KDM5C: variants seen among roughly 807,000 people sequenced by gnomAD.
KDM5C encodes lysine-specific demethylase 5C.
KDM5C carries 16 observed loss-of-function variants against 110.6 expected under a neutral mutation model. That is an observed-to-expected ratio of 0.14 (90% CI 0.10 to 0.22). The LOEUF is 0.22. Ranked by LOEUF, KDM5C falls within the 10% of genes least tolerant of loss-of-function variation. KDM5C has a pLI of 1.00. For missense variants in KDM5C, 681 were observed against 1,300.9 expected (o/e 0.52, Z 7.33); for synonymous variants, 511 against 520.4 (o/e 0.98, Z 0.24).
chrX:53,217,923 C>T lies in KDM5C; in HGVS notation c.395G>A (p.Arg132His), dbSNP rs2146950922. ...EGGYEAICKD[R>H]RWARVAQRLN... ...GCGCTGGGCTACCCGAGCCCACCGA[C>T]GGTCCTTGCAGATAGCTTCATAACC... is the stretch of plus-strand genomic sequence containing the variant. Residue 132 changes from arginine to histidine, a missense_variant, in exon 4 of 26, where the codon CGT becomes CAT. Coordinates refer to ENST00000375401, the MANE Select transcript of KDM5C (RefSeq NM_004187.5). 8.3e-7 allele frequency: 1 copy of T among 1,210,376 alleles called. No homozygotes were observed. The highest frequency in any genetic ancestry group is 1.1e-6 in the Non-Finnish European group (1 of 894,697).
At chrX:53,213,377 G>A (rs782310255) in intron 8 of KDM5C, among the ~76,000 whole-genome samples, 103 of 112,125 alleles carry the variant, frequency 9.2e-4, no homozygotes, top group African/African-American at 2.9e-3. Context: ...CTGTGTGTAT[G>A]TATGCATGTG....
At chrX:53,213,959 CTT>C (rs1348487424) in intron 8 of KDM5C, among the ~76,000 whole-genome samples, 7 of 104,600 alleles carry the variant, frequency 6.7e-5, no homozygotes, top group African/African-American at 3.5e-5. Context: ...TCCAAAATGT[CTT>C]TTTTTTTTTT....
chrX:53,180,631 C>T (rs1433302522), intron 25 of KDM5C, among the ~76,000 whole-genome samples: 1 of 106,819 alleles, frequency 9.4e-6, no homozygotes, highest in Non-Finnish European at 1.9e-5. Flanking sequence ...GGTGTGATTT[C>T]GGCTCACTGC....
chrX:53,193,994 G>C, intron 23 of KDM5C, 143 bp from the exon 24 acceptor site: 1 of 965,810 alleles, frequency 1.0e-6, no homozygotes, highest in Non-Finnish European at 1.5e-6. Context: ...GCAGAGTCTA[G>C]GAATCTGGAC....
intron 14 of KDM5C, 143 bp from the exon 15 acceptor site, chrX:53,199,301 C>T (rs1556840376): frequency 3.5e-6 from 2 of 576,740 alleles, no homozygotes; most frequent in African/African-American, 4.5e-5. Context: ...AGGGAGCATA[C>T]CTGCCCTTTG....
rs2146809263 is a variant in KDM5C, at chrX:53,192,846, GTA to G, written c.*119_*120del. 1.1e-6 allele frequency: 1 copy of G among 921,022 alleles called. No individual in the cohort carries two copies. The highest frequency in any genetic ancestry group is 1.5e-6 in the Non-Finnish European group (1 of 680,007). The allele number at this position is 921,022 out of a possible 1,213,427, so 75.9% of individuals were successfully genotyped here. On this transcript the variant is annotated 3_prime_UTR_variant, in exon 26 of 26. Coordinates refer to ENST00000375401, the MANE Select transcript of KDM5C (RefSeq NM_004187.5). ...AGTCAAGGGACTCAGGGGTGGGCGGGTAGCAGGGATGGCCACCCCCCTACCCG... is the reference window on the plus strand; with the variant it reads ...AGTCAAGGGACTCAGGGGTGGGCGGGGCAGGGATGGCCACCCCCCTACCCG...
At chrX:53,183,128 A>G (rs1471872934) in intron 25 of KDM5C, among the ~76,000 whole-genome samples, 1 of 109,905 alleles carries the variant, frequency 9.1e-6, no homozygotes, top group Admixed American at 9.8e-5. Context: ...GCACTCTTGT[A>G]AAACATCAAT....
chrX:53,211,757 CCAACA>C lies in KDM5C; in HGVS notation c.1242+25_1242+29del, dbSNP rs782766325. 5.8e-6 allele frequency: 7 copies of C among 1,209,437 alleles called. No homozygotes were observed. The African/African-American group carries it at 1.2e-4, about 21-fold the overall frequency. ...TGGCATCAATACCTATGATCCTAGC[CCAACA>C]CTACCTCAGCCCTCCATCACCTACA... is the stretch of plus-strand genomic sequence containing the variant. On this transcript the variant is annotated intron_variant, in intron 9 of 25. Coordinates refer to ENST00000375401, the MANE Select transcript of KDM5C (RefSeq NM_004187.5).
chrX:53,204,210 A>G (rs918945962), intron 12 of KDM5C, among the ~76,000 whole-genome samples: 1 of 103,168 alleles, frequency 9.7e-6, no homozygotes, highest in Non-Finnish European at 2.0e-5. Context: ...CTTTCCTTGC[A>G]GGCCAGTCAG....
chrX:53,193,244 C>A lies in KDM5C; in HGVS notation c.4406G>T (p.Gly1469Val), dbSNP rs1428371887. The change falls in exon 26 of 26, where the codon GGC becomes GTC. Residue 1469 changes from glycine to valine, a missense_variant. By Grantham distance (109) the Gly-to-Val change is moderately radical (BLOSUM62 -3). This residue lies in a region of KDM5C where 115 missense variants were observed against 120.9 expected (regional missense o/e 0.95). Coordinates refer to ENST00000375401, the MANE Select transcript of KDM5C (RefSeq NM_004187.5). Reference sequence around the variant, plus strand: ...TAGCTCCTCTCGGGCTGGGTCATCGCCCTCCCCACCCCGATCCACCTTCCG... The same window carrying A: ...TAGCTCCTCTCGGGCTGGGTCATCGACCTCCCCACCCCGATCCACCTTCCG... ...RRRKVDRGGE[G>V]DDPAREELEP... is the part of the protein sequence containing the mutation. The A allele has an allele frequency of 9.9e-6, 12 of 1,206,983 alleles. No homozygotes were observed. The highest frequency in any genetic ancestry group is 1.3e-5 in the Non-Finnish European group (12 of 894,829).
chrX:53,212,277 C>A (rs1167911155), intron 8 of KDM5C: 6 of 181,200 alleles, frequency 3.3e-5, no homozygotes, highest in Non-Finnish European at 5.1e-5. Flanking sequence ...CTTCTGCCAC[C>A]ATTTTTCCTC....
downstream of KDM5C, among the ~76,000 whole-genome samples, chrX:53,189,805 C>G (rs1934345696): frequency 2.7e-5 from 3 of 112,782 alleles, no homozygotes; most frequent in African/African-American, 9.7e-5. Context: ...CCTCCAGAAG[C>G]TCCAGAGCTT....
rs1556856202 is a variant in KDM5C, at chrX:53,224,878, C to T, written c.12G>A (p.Gly4=). 4 of 1,205,673 alleles carry T rather than the reference C, an allele frequency of 3.3e-6. No homozygotes were observed. In the East Asian group the frequency reaches 8.9e-5, roughly 27 times the overall value. Residue 4 remains glycine, a synonymous_variant, in exon 1 of 26, where the codon GGG becomes GGA. Coordinates refer to ENST00000375401, the MANE Select transcript of KDM5C (RefSeq NM_004187.5). MEP[G]SDDFLPPPEC... ...CCGGTGGCGGTAGGAAATCGTCGGA[C>T]CCCGGCTCCATGGTGGGCCCGAGGT...
At chrX:53,191,941 C>A, downstream of KDM5C, 1 of 175,845 alleles carries the variant, frequency 5.7e-6, no homozygotes. Flanking sequence ...GGGGCCCGAG[C>A]CCATCTGTTT....
At chrX:53,210,287 C>A in intron 12 of KDM5C, 127 bp downstream of exon 12, 1 of 876,403 alleles carries the variant, frequency 1.1e-6, no homozygotes, top group African/African-American at 2.0e-5. Context: ...AACCCGTAGC[C>A]CAATTAAGAA....
chrX:53,211,748 G>C, intron 9 of KDM5C, 39 bp downstream of exon 9: 1 of 1,210,561 alleles, frequency 8.3e-7, no homozygotes, highest in South Asian at 1.8e-5. Flanking sequence ...CAATACCTAT[G>C]ATCCTAGCCC....
intron 14 of KDM5C, among the ~76,000 whole-genome samples, chrX:53,200,649 G>T (rs1209007317): frequency 8.9e-6 from 1 of 111,862 alleles, no homozygotes; most frequent in East Asian, 2.8e-4. Flanking sequence ...CACACTCACA[G>T]GAAAGCTATA....
intron 2 of KDM5C, among the ~76,000 whole-genome samples, chrX:53,219,672 TTGAGAAAAAC>T (rs1429730236): frequency 8.9e-6 from 1 of 112,468 alleles, no homozygotes; most frequent in Non-Finnish European, 1.9e-5. Context: ...CATTTCATAG[TTGAGAAAAAC>T]TAAGGTCTAT....
At chrX:53,185,690 A>C (rs73208477) in intron 25 of KDM5C, among the ~76,000 whole-genome samples, 4,359 of 111,939 alleles carry the variant, frequency 0.039, 104 homozygotes, top group Non-Finnish European at 0.062. Context: ...CATAGCAATA[A>C]TCAGGTTTGA....
Sources: allele counts gnomAD v4.1 joint callset (sites outside exome capture counted in the v4.1 genomes callset), GRCh38; gene constraint gnomAD v4.1.1; regional missense constraint gnomAD v4.1.1; transcripts MANE v1.5; gene names NCBI Gene and HGNC (gene_info 2026-07-23, HGNC 2026-07-21).